Variants in GRID1 observed in about 807,000 individuals in gnomAD.
GRID1 encodes glutamate ionotropic receptor delta type subunit 1.
In GRID1, 28 loss-of-function variants were observed where a neutral mutation model predicts 98.0. That is an observed-to-expected ratio of 0.29 (90% CI 0.21 to 0.39). GRID1 has a LOEUF of 0.39. Ranked by LOEUF, GRID1 falls within the 10% of genes least tolerant of loss-of-function variation. The probability of loss-of-function intolerance (pLI) is 1.00; values close to 1 mark genes in which losing one functional copy is unlikely to be tolerated. For missense variants in GRID1, 1,111 were observed against 1,340.5 expected, an observed-to-expected ratio of 0.83 and a Z score of 2.67; for synonymous variants, 553 against 538.5, an observed-to-expected ratio of 1.03 and a Z score of -0.37.
chr10:86,035,617 G>A (rs1264132547), intron 4 of GRID1, among the ~76,000 whole-genome samples: 3 of 152,134 alleles, frequency 2.0e-5, no homozygotes, highest in African/African-American at 4.8e-5. Context: ...CTCAATGCAG[G>A]ACTTTTTGTA....
intron 14 of GRID1, 55 bp downstream of exon 14, chr10:85,619,812 C>T (rs2132521566): frequency 7.2e-7 from 1 of 1,391,550 alleles, no homozygotes; most frequent in Non-Finnish European, 1.0e-6. Context: ...TATTCTCCTA[C>T]CCTTGACCAC....
chr10:86,246,397 G>A (rs1343707879), intron 2 of GRID1, among the ~76,000 whole-genome samples: 1 of 152,162 alleles, frequency 6.6e-6, no homozygotes. Flanking sequence ...TGCTATCTGA[G>A]AGGAGCCCAG....
intron 5 of GRID1, among the ~76,000 whole-genome samples, chr10:85,897,634 A>G (rs1036419684): frequency 2.0e-5 from 3 of 152,186 alleles, no homozygotes; most frequent in African/African-American, 7.2e-5. Flanking sequence ...ATAAAATGTT[A>G]TATATTTATG....
chr10:85,733,637 T>A (rs1255250204), intron 8 of GRID1, among the ~76,000 whole-genome samples: 1 of 152,228 alleles, frequency 6.6e-6, no homozygotes, highest in Non-Finnish European at 1.5e-5. Context: ...GCTGATTCTA[T>A]TTTCTTATCT....
intron 4 of GRID1, among the ~76,000 whole-genome samples, chr10:86,029,538 C>T (rs527923032): frequency 2.6e-5 from 4 of 152,228 alleles, no homozygotes; most frequent in Admixed American, 2.6e-4. Flanking sequence ...ATTCTATGAA[C>T]AACATGTCCC....
intron 2 of GRID1, chr10:86,264,660 T>C (rs1293096123): frequency 4.3e-6 from 2 of 466,876 alleles, no homozygotes. Flanking sequence ...GGTGAGTCTG[T>C]AACCAGAGAG....
Position 86,247,208 on chromosome 10 carries a change from A to C in GRID1, c.236-40560T>G, listed in dbSNP as rs149561790. On this transcript the variant is annotated intron_variant, in intron 2 of 15. Transcript: ENST00000327946. ...ATATGAGTGGATGGGTGGGTAGATG[A>C]ATAGATGGGTAAGTAGATGGAAGGA... is the stretch of plus-strand genomic sequence containing the variant. 2.1e-3 allele frequency among the ~76,000 whole-genome samples: 321 copies of C among 150,672 alleles called. 2 individuals are homozygous for C. The highest frequency in any genetic ancestry group is 7.4e-3 in the African/African-American group (303 of 40,804).
rs1267575464 is a variant in GRID1 at position 85,657,628 on chromosome 10, C to T, written c.1998-10231G>A. ...AGTCAATCATCTGCAGAGAAGCAGG[C>T]CTAGTAATAGTTTGAGGTGCTTGAA... On this transcript the variant is annotated intron_variant, in intron 12 of 15. Transcript: ENST00000327946. 2.0e-5 allele frequency among the ~76,000 whole-genome samples: 3 copies of T among 152,290 alleles called. No homozygotes were observed. In the South Asian group the frequency reaches 6.2e-4, roughly 32 times the overall value.
chr10:86,020,968 G>GCC (rs1292390985), intron 4 of GRID1, among the ~76,000 whole-genome samples: 1 of 152,134 alleles, frequency 6.6e-6, no homozygotes, highest in African/African-American at 2.4e-5. Context: ...AATATTAGCA[G>GCC]CCCCCCAGAA....
At chr10:85,824,779 C>G (rs1159138929) in intron 8 of GRID1, among the ~76,000 whole-genome samples, 1 of 152,184 alleles carries the variant, frequency 6.6e-6, no homozygotes, top group Admixed American at 6.5e-5. Flanking sequence ...TTAGCTCCCA[C>G]TTATAATTGA....
intron 12 of GRID1, among the ~76,000 whole-genome samples, chr10:85,652,893 G>A (rs1388398422): frequency 2.0e-5 from 3 of 152,138 alleles, no homozygotes; most frequent in Non-Finnish European, 2.9e-5. Context: ...CTATGTCTGG[G>A]GATAGGGCAA....
intron 6 of GRID1, among the ~76,000 whole-genome samples, chr10:85,865,120 T>C (rs1358501250): frequency 6.6e-6 from 1 of 152,170 alleles, no homozygotes; most frequent in East Asian, 1.9e-4. Flanking sequence ...TCACTTTTAT[T>C]ACTGGCTGAG....
chr10:85,684,993 T>C (rs1404074922), intron 12 of GRID1, among the ~76,000 whole-genome samples: 1 of 152,210 alleles, frequency 6.6e-6, no homozygotes, highest in Non-Finnish European at 1.5e-5. Context: ...TTTACCACAC[T>C]AGGGGTTAGG....
chr10:86,330,207 C>T (rs1394635208), intron 2 of GRID1, among the ~76,000 whole-genome samples: 1 of 152,162 alleles, frequency 6.6e-6, no homozygotes, highest in Admixed American at 6.5e-5. Flanking sequence ...ACTCACCATT[C>T]CCATCTCGGG....
At position 86,042,036 on chromosome 10, in the gene GRID1, T is replaced by C. The variant is rs560662272; in HGVS notation, c.726+96783A>G. Among the ~76,000 whole-genome samples the C allele has an allele frequency of 3.9e-5, 6 of 152,264 alleles. No individual in the cohort carries two copies. In the South Asian group the frequency reaches 1.0e-3, roughly 26 times the overall value. ...CAACCCTCTTGCTTAGTGGCAGCCC[T>C]TTCCCAACCACCAAGCTGAAAGAGG... On this transcript the variant is annotated intron_variant, in intron 4 of 15. Transcript: ENST00000327946.
At chr10:85,802,883 A>ACC (rs1842590234) in intron 8 of GRID1, among the ~76,000 whole-genome samples, 1 of 148,904 alleles carries the variant, frequency 6.7e-6, no homozygotes, top group African/African-American at 2.5e-5. Flanking sequence ...ACACACACAC[A>ACC]CACCAAGGAA....
At chr10:86,334,355 C>G (rs1184561785) in intron 2 of GRID1, among the ~76,000 whole-genome samples, 3 of 152,094 alleles carry the variant, frequency 2.0e-5, no homozygotes, top group African/African-American at 4.8e-5. Context: ...TGGGGATCGC[C>G]TTTGTCTCCG....
At chr10:85,669,981 G>GGTATTTTGT (rs1478449808) in intron 12 of GRID1, among the ~76,000 whole-genome samples, 9 of 152,012 alleles carry the variant, frequency 5.9e-5, no homozygotes, top group Non-Finnish European at 1.5e-5. Context: ...ATCATAACAA[G>GGTATTTTGT]GTATTTTGTT....
intron 2 of GRID1, among the ~76,000 whole-genome samples, chr10:86,249,908 TGGTGGGTAGATGAATG>T (rs1846793230): frequency 6.6e-6 from 1 of 152,158 alleles, no homozygotes; most frequent in Admixed American, 6.5e-5. Flanking sequence ...AATGGATGGA[TGGTGGGTAGATGAATG>T]GGTGGGTAGA....
Sources: gnomAD v4.1 joint callset for allele counts (sites outside exome capture counted in the v4.1 genomes callset) on GRCh38, gnomAD v4.1.1 for gene constraint, MANE v1.5 for transcripts, NCBI Gene and HGNC (gene_info 2026-07-23, HGNC 2026-07-21) for gene names.